Variants in KMT2C observed in about 807,000 individuals in gnomAD.
The protein encoded by KMT2C is histone-lysine N-methyltransferase 2C.
A neutral mutation model predicts 507.9 loss-of-function variants in KMT2C; 88 were observed. The ratio of observed to expected loss-of-function variants is 0.17; its 90% CI spans 0.15 to 0.21. The LOEUF is 0.21. KMT2C is among the 10% of genes least tolerant of loss of function. The pLI is 1.00. For missense variants in KMT2C, 4,954 were observed against 5,957.8 expected, an observed-to-expected ratio of 0.83 and a Z score of 5.55; for synonymous variants, 2,049 against 2,080.8, an observed-to-expected ratio of 0.98 and a Z score of 0.42.
chr7:152,259,647 A>G (rs1013779101), intron 9 of KMT2C, among the ~76,000 whole-genome samples: 3 of 152,214 alleles, frequency 2.0e-5, no homozygotes, highest in Non-Finnish European at 4.4e-5. Context: ...ACATACCAAC[A>G]AACAGACATT....
rs78345209 is a variant in KMT2C at position 152,169,016 on chromosome 7, A to T, written c.9517+170T>A. ...CATGCACAGTGAAAAAAGCAATGAA[A>T]ACACACGCCTTGAAGAAGAGTTGCC... On this transcript the variant is annotated intron_variant, in intron 41 of 58. Transcript: ENST00000262189. 8.5e-3 allele frequency among the ~76,000 whole-genome samples: 1,288 copies of T among 152,290 alleles called. 20 individuals carry two copies. Among genetic ancestry groups the T allele is most frequent in the African/African-American group, 0.03 (1,241 of 41,546 alleles).
intron 1 of KMT2C, among the ~76,000 whole-genome samples, chr7:152,401,692 A>T (rs894739431): frequency 1.1e-4 from 16 of 152,298 alleles, no homozygotes; most frequent in African/African-American, 3.6e-4. Context: ...CTGTCTCAAA[A>T]AAATAAATAA....
intron 9 of KMT2C, among the ~76,000 whole-genome samples, chr7:152,253,305 T>G (rs1218547955): frequency 6.6e-6 from 1 of 151,370 alleles, no homozygotes. Flanking sequence ...AGACAGCAAC[T>G]CAAAATTCAA....
chr7:152,384,607 ACC>A, intron 1 of KMT2C, among the ~76,000 whole-genome samples: 1 of 140,424 alleles, frequency 7.1e-6, no homozygotes, highest in Non-Finnish European at 1.5e-5. Flanking sequence ...CACCACCACC[ACC>A]ACCACGCTGC....
chr7:152,242,028 C>A (rs2095396082), intron 14 of KMT2C, among the ~76,000 whole-genome samples: 1 of 151,930 alleles, frequency 6.6e-6, no homozygotes, highest in Admixed American at 6.6e-5. Context: ...ATTCCTTAGA[C>A]CTTAAAACTA....
At chr7:152,324,119 T>C (rs992105357) in intron 3 of KMT2C, among the ~76,000 whole-genome samples, 4 of 151,596 alleles carry the variant, frequency 2.6e-5, no homozygotes, top group African/African-American at 7.3e-5. Context: ...ATATACTACA[T>C]AGTAGGGTGA....
rs1429572921 is a variant in KMT2C, at chr7:152,163,720, G to A, written c.9857C>T (p.Pro3286Leu). The A allele has an allele frequency of 3.7e-6, 6 of 1,614,192 alleles. No individual in the cohort carries two copies. Among genetic ancestry groups the A allele is most frequent in the African/African-American group, 1.3e-5 (1 of 75,044 alleles). Residue 3286 changes from proline (P) to leucine (L), a missense_variant, in exon 43 of 59, where the codon CCC becomes CTC. By Grantham distance (98) the Pro-to-Leu change is moderately conservative (BLOSUM62 -3). Transcript: ENST00000262189. The stretch of plus-strand genomic sequence containing the variant: ...GGCACCTGGAATTAGGGGTGGCTGG[G>A]GCTGGACACTGGGCATCATGGTAGG... ...APPTMMPSVQ[P>L]QPPLIPGATP...
intron 1 of KMT2C, among the ~76,000 whole-genome samples, chr7:152,387,309 T>C (rs2097437878): frequency 6.6e-6 from 1 of 151,902 alleles, no homozygotes; most frequent in Non-Finnish European, 1.5e-5. Context: ...TATATGTAGT[T>C]ATTGGTAATT....
Position 152,180,027 on chromosome 7 carries a change from G to A in KMT2C, c.7249C>T (p.Pro2417Ser), listed in dbSNP as rs1284140772. The change falls in exon 37 of 59, where the codon CCA becomes TCA. Residue 2417 changes from proline (P) to serine (S), a missense_variant. Pro to Ser is a moderately conservative substitution (Grantham distance 74). Transcript: ENST00000262189. ...GGTTGCCAGTGTTGAAGAGGCCCTG[G>A]ATGAGGCACTGCGGGTGAGTCCTGT... ...GSQDSPAVPH[P>S]GPLQHWQPEN... 6.2e-7 allele frequency: 1 copy of A among 1,614,154 alleles called. No homozygotes were observed. The highest frequency in any genetic ancestry group is 1.7e-5 in the Admixed American group (1 of 60,020).
At chr7:152,140,830 A>G (rs2129090614) in intron 55 of KMT2C, among the ~76,000 whole-genome samples, 1 of 152,360 alleles carries the variant, frequency 6.6e-6, no homozygotes, top group South Asian at 2.1e-4. Flanking sequence ...AGCATCTTTG[A>G]TTATCTGTTC....
At chr7:152,156,808 G>A (rs1371106737) in intron 44 of KMT2C, among the ~76,000 whole-genome samples, 1 of 152,046 alleles carries the variant, frequency 6.6e-6, no homozygotes, top group Non-Finnish European at 1.5e-5. Context: ...TCCGAGATAT[G>A]AGAATCTGGA....
In KMT2C at chr7:152,177,037, G is replaced by A. The variant is rs1411555046; in HGVS notation, c.8416C>T (p.Leu2806Phe). Residue 2806 changes from leucine to phenylalanine, a missense_variant, in exon 38 of 59, where the codon CTC becomes TTC. Physicochemically the swap from Leu to Phe is conservative, Grantham distance 22. This residue lies in a region of KMT2C where 1,689 missense variants were observed against 1,654.3 expected (regional missense o/e 1.02). Coordinates refer to ENST00000262189, the MANE Select transcript of KMT2C (RefSeq NM_170606.3). The stretch of plus-strand genomic sequence containing the variant: ...TTCTGTGGTGAATGTTTATCAGAGA[G>A]AACCAGAGTTTTGTTTTCTTGTTCC... ...KKEQENKTLV[L>F]SDKHSPQKKS... 6 of 1,613,138 alleles carry A rather than the reference G, an allele frequency of 3.7e-6. No individual in the cohort carries two copies. The Admixed American group carries it at 6.7e-5, about 18-fold the overall frequency.
intron 50 of KMT2C, among the ~76,000 whole-genome samples, 194 bp from the exon 51 acceptor site, chr7:152,151,201 A>G (rs558913193): frequency 6.6e-6 from 1 of 152,298 alleles, no homozygotes; most frequent in East Asian, 1.9e-4. Flanking sequence ...AAACCAAACT[A>G]TGTGGTCCAC....
At chr7:152,275,516 T>C (rs2096065828) in intron 6 of KMT2C, among the ~76,000 whole-genome samples, 1 of 152,182 alleles carries the variant, frequency 6.6e-6, no homozygotes, top group South Asian at 2.1e-4. Flanking sequence ...TATATAATAT[T>C]ATAAGTATAC....
chr7:152,181,813 A>C lies in KMT2C; in HGVS notation c.6047T>G (p.Val2016Gly), dbSNP rs770758609. ...HFTKPSPRADVFQRQRIPDSY... is the reference protein window; with the variant it reads ...HFTKPSPRADGFQRQRIPDSY... ...GTCAGGTATCCTTTGTCTTTGAAACACATCTGCCCTAGGAGATGGTTTAGT... is the reference window on the plus strand; with the variant it reads ...GTCAGGTATCCTTTGTCTTTGAAACCCATCTGCCCTAGGAGATGGTTTAGT... The change falls in exon 36 of 59, where the codon GTG becomes GGG. Residue 2016 changes from valine to glycine, a missense_variant. Coordinates refer to ENST00000262189, the MANE Select transcript of KMT2C (RefSeq NM_170606.3). The C allele has an allele frequency of 8.1e-6, 13 of 1,614,014 alleles. No individual in the cohort carries two copies. The highest frequency in any genetic ancestry group is 1.0e-5 in the Non-Finnish European group (12 of 1,180,030).
chr7:152,163,943 A>G, intron 42 of KMT2C, 117 bp from the exon 43 acceptor site: 1 of 932,458 alleles, frequency 1.1e-6, no homozygotes, highest in Non-Finnish European at 1.6e-6. Context: ...TGCAGAAGCA[A>G]ACATATTTTG....
intron 14 of KMT2C, among the ~76,000 whole-genome samples, chr7:152,242,425 T>C (rs977585503): frequency 3.9e-5 from 6 of 152,268 alleles, no homozygotes; most frequent in African/African-American, 1.4e-4. Flanking sequence ...ATATAATGCC[T>C]CCTTAATCTA....
intron 1 of KMT2C, chr7:152,367,544 C>T (rs972740666): frequency 5.8e-6 from 7 of 1,212,760 alleles, no homozygotes; most frequent in Middle Eastern, 2.7e-4. Flanking sequence ...GGAAAGTCGA[C>T]ATTAATCAAC....
intron 1 of KMT2C, among the ~76,000 whole-genome samples, chr7:152,373,426 A>G (rs2129242747): frequency 6.6e-6 from 1 of 152,296 alleles, no homozygotes; most frequent in African/African-American, 2.4e-5. Context: ...ACAAATATTG[A>G]GATAACAGCC....
Sources: allele counts gnomAD v4.1 joint callset (sites outside exome capture counted in the v4.1 genomes callset), GRCh38; gene constraint gnomAD v4.1.1; regional missense constraint gnomAD v4.1.1; transcripts MANE v1.5; gene names NCBI Gene and HGNC (gene_info 2026-07-23, HGNC 2026-07-21).